Variants in TMEM132C observed in about 807,000 individuals in gnomAD.
The protein encoded by TMEM132C is protein phosphatase 1, regulatory subunit 152.
TMEM132C carries 29 observed loss-of-function variants against 61.4 expected under a neutral mutation model. That is an observed-to-expected ratio of 0.47 (90% confidence interval 0.35 to 0.64). TMEM132C has a LOEUF of 0.64. Among genes scored for constraint, TMEM132C ranks in the 30% least tolerant of loss-of-function variants. TMEM132C has a pLI of 0.00. For missense variants in TMEM132C, 1,408 were observed against 1,476.9 expected (o/e 0.95, Z 0.76); for synonymous variants, 656 against 633.1 (o/e 1.04, Z -0.54).
intron 3 of TMEM132C, among the ~76,000 whole-genome samples, chr12:128,560,369 C>T (rs886411024): frequency 3.3e-5 from 5 of 152,214 alleles, no homozygotes; most frequent in African/African-American, 1.2e-4. Flanking sequence ...GACCTTACCC[C>T]ATGCTTCTCC....
At chr12:128,317,359 T>G (rs899504247) in intron 1 of TMEM132C, among the ~76,000 whole-genome samples, 13 of 152,344 alleles carry the variant, frequency 8.5e-5, no homozygotes, top group African/African-American at 3.1e-4. Context: ...GAAATGTTTA[T>G]CAATTGTTTA....
At chr12:128,387,615 G>A (rs1874628613) in intron 1 of TMEM132C, among the ~76,000 whole-genome samples, 1 of 152,098 alleles carries the variant, frequency 6.6e-6, no homozygotes, top group Non-Finnish European at 1.5e-5. Context: ...TTCAAGACCA[G>A]CCTGGCTGAC....
chr12:128,658,418 G>A (rs945165103), intron 4 of TMEM132C, among the ~76,000 whole-genome samples: 8 of 152,306 alleles, frequency 5.3e-5, no homozygotes, highest in East Asian at 1.9e-4. Flanking sequence ...CCACGTGAGC[G>A]GTGTGCCTTC....
chr12:128,415,295 T>A lies in TMEM132C; in HGVS notation c.649T>A (p.Ser217Thr). The change falls in exon 2 of 9, where the codon TCC (serine) becomes ACC (threonine). Residue 217 changes from serine to threonine, a missense_variant. Ser to Thr is a moderately conservative substitution (Grantham distance 58, BLOSUM62 1). Transcript: ENST00000435159. The surrounding 1 kb of genome is among the most constrained non-coding windows in gnomAD (Gnocchi z 5.8). ...APTVGAGRKK[S>T]MDQPEGTPVE... ...GACGGTGGGTGCCGGGAGGAAGAAG[T>A]CCATGGACCAGCCGGAGGGGACCCC... 2 of 1,596,710 alleles carry A rather than the reference T, an allele frequency of 1.3e-6. No individual in the cohort carries two copies. The highest frequency in any genetic ancestry group is 1.7e-6 in the Non-Finnish European group (2 of 1,171,594).
At chr12:128,378,069 C>T (rs1028721070) in intron 1 of TMEM132C, among the ~76,000 whole-genome samples, 2 of 152,024 alleles carry the variant, frequency 1.3e-5, no homozygotes, top group Non-Finnish European at 2.9e-5. Flanking sequence ...TGTTACTGTG[C>T]CCGTTTTAGA....
intron 1 of TMEM132C, among the ~76,000 whole-genome samples, chr12:128,390,058 A>G (rs894431441): frequency 5.3e-5 from 8 of 152,088 alleles, no homozygotes; most frequent in African/African-American, 1.4e-4. Context: ...TTTCACGGAG[A>G]TGGGGTCTTG....
At chr12:128,566,523 G>A (rs1874710622) in intron 3 of TMEM132C, among the ~76,000 whole-genome samples, 1 of 152,196 alleles carries the variant, frequency 6.6e-6, no homozygotes. Flanking sequence ...CCACACCATA[G>A]AGGGAAAGAT....
At chr12:128,335,968 T>C (rs1045175250) in intron 1 of TMEM132C, among the ~76,000 whole-genome samples, 1 of 152,240 alleles carries the variant, frequency 6.6e-6, no homozygotes, top group African/African-American at 2.4e-5. Context: ...TTATTCACAG[T>C]CCTTTATCCC....
chr12:128,694,059 C>G lies in TMEM132C; in HGVS notation c.1655+25C>G, dbSNP rs757864640. 4 of 1,548,798 alleles carry G rather than the reference C, an allele frequency of 2.6e-6. No individual in the cohort carries two copies. In the South Asian group the frequency reaches 3.6e-5, roughly 14 times the overall value. On this transcript the variant is annotated intron_variant, in intron 6 of 8. Coordinates refer to ENST00000435159, the MANE Select transcript of TMEM132C (RefSeq NM_001136103.3). ...GGTGAGCCTCGGATGGGGAGATGCC[C>G]TAGAGCCAAAACAACAACTTTATTT...
At chr12:128,627,160 G>A (rs913288320) in intron 4 of TMEM132C, among the ~76,000 whole-genome samples, 3 of 152,168 alleles carry the variant, frequency 2.0e-5, no homozygotes, top group Non-Finnish European at 2.9e-5. Context: ...TGACAGCTGC[G>A]TTCCCTGCCC....
chr12:128,675,067 C>T (rs2054930), intron 5 of TMEM132C, among the ~76,000 whole-genome samples: 78,148 of 151,830 alleles, frequency 0.51, 21,192 homozygotes, highest in African/African-American at 0.71. Context: ...GATTTTGCTT[C>T]CTCACTTTTC....
At chr12:128,679,969 C>T (rs1032416050) in intron 5 of TMEM132C, among the ~76,000 whole-genome samples, 3 of 151,898 alleles carry the variant, frequency 2.0e-5, no homozygotes, top group Admixed American at 2.0e-4. Context: ...AAAGAGCTGT[C>T]CAAGCAGAAA....
At chr12:128,448,163 T>C (rs1054989683) in intron 2 of TMEM132C, among the ~76,000 whole-genome samples, 1 of 152,232 alleles carries the variant, frequency 6.6e-6, no homozygotes, top group Non-Finnish European at 1.5e-5. Context: ...CATTGAAGGT[T>C]ACATCACTGT....
intron 1 of TMEM132C, among the ~76,000 whole-genome samples, chr12:128,362,601 A>G (rs1209791300): frequency 6.6e-6 from 1 of 152,192 alleles, no homozygotes; most frequent in African/African-American, 2.4e-5. Flanking sequence ...ACATTTTGGA[A>G]TATCTGCATG....
At chr12:128,442,243 T>A (rs1565937619) in intron 2 of TMEM132C, among the ~76,000 whole-genome samples, 1 of 152,244 alleles carries the variant, frequency 6.6e-6, no homozygotes, top group African/African-American at 2.4e-5. Flanking sequence ...GGTTTCTGAT[T>A]GATTTCTCCT....
At chr12:128,361,690 G>C (rs1179638395) in intron 1 of TMEM132C, among the ~76,000 whole-genome samples, 1 of 150,694 alleles carries the variant, frequency 6.6e-6, no homozygotes, top group Admixed American at 6.6e-5. Context: ...ATACTGCTGT[G>C]CCTGTGGGAG....
At chr12:128,660,552 G>C (rs938332228) in intron 4 of TMEM132C, among the ~76,000 whole-genome samples, 4 of 152,182 alleles carry the variant, frequency 2.6e-5, no homozygotes, top group Admixed American at 6.5e-5. Flanking sequence ...GCTAATTCCT[G>C]CTTTCTCTAT....
rs1167302011 is a variant in TMEM132C at position 128,396,755 on chromosome 12, C to G, written c.86-17977C>G. ...GCTAAGTGAGCACCCACCATCACAG[C>G]TAGGAAGTGGCCAGGCTGTGATTGG... On this transcript the variant is annotated intron_variant, in intron 1 of 8. Transcript: ENST00000435159. 2.6e-5 allele frequency among the ~76,000 whole-genome samples: 4 copies of G among 152,150 alleles called. No individual in the cohort carries two copies. The South Asian group carries it at 8.3e-4, about 32-fold the overall frequency.
Position 128,415,719 on chromosome 12 carries a change from C to T in TMEM132C, c.974+99C>T. On this transcript the variant is annotated intron_variant, in intron 2 of 8. Transcript: ENST00000435159. This position sits in a 1 kb window ranked among gnomAD's most constrained non-coding sequence, Gnocchi z 5.8. The stretch of plus-strand genomic sequence containing the variant: ...GATATTCAGGAAGCATCGATTTTCA[C>T]TACCTTCAGGGACCGTTTGGCATTA... 1 of 1,360,078 alleles carries T rather than the reference C, an allele frequency of 7.4e-7. No individual in the cohort carries two copies. The allele number at this position is 1,360,078 out of a possible 1,614,324, so 84.3% of individuals were successfully genotyped here. A position where few individuals can be genotyped will look rare whatever the true frequency, so the allele number is the denominator to read the frequency against.
Sources: gnomAD v4.1 joint callset for allele counts (sites outside exome capture counted in the v4.1 genomes callset) on GRCh38, gnomAD v4.1.1 for gene constraint, Gnocchi (gnomAD v3.1) non-coding constraint, MANE v1.5 for transcripts, NCBI Gene and HGNC (gene_info 2026-07-23, HGNC 2026-07-21) for gene names.